The following C1orf87 variants were observed in gnomAD, a reference collection of about 807,000 sequenced individuals.
The protein encoded by C1orf87 is uncharacterized protein C1orf87.
A neutral mutation model predicts 60.5 loss-of-function variants in C1orf87; 58 were observed. The ratio of observed to expected loss-of-function variants is 0.96; its 90% CI spans 0.78 to 1.19. The LOEUF is 1.19. Among genes scored for constraint, C1orf87 ranks in the 50% most tolerant of loss-of-function variants. The pLI is 0.00. For missense variants in C1orf87, 673 were observed against 638.6 expected, an observed-to-expected ratio of 1.05 and a Z score of -0.58; for synonymous variants, 236 against 227.4, an observed-to-expected ratio of 1.04 and a Z score of -0.34.
chr1:60,064,520 T>C (rs1645522141), intron 2 of C1orf87, among the ~76,000 whole-genome samples: 1 of 131,832 alleles, frequency 7.6e-6, no homozygotes, highest in South Asian at 2.2e-4. Flanking sequence ...AATACTTTAT[T>C]GCTAAAATAT....
intron 3 of C1orf87, among the ~76,000 whole-genome samples, chr1:60,054,010 C>T (rs1645434481): frequency 6.6e-6 from 1 of 152,104 alleles, no homozygotes; most frequent in African/African-American, 2.4e-5. Context: ...AATATTATTA[C>T]CAAGGCCATT....
chr1:60,033,531 T>C lies in C1orf87; in HGVS notation c.974A>G (p.Asn325Ser), dbSNP rs1017705043. Reference protein sequence around the residue: ...TNGRLNIDNLNLSFRKEDRSF... With the variant: ...TNGRLNIDNLSLSFRKEDRSF... The stretch of plus-strand genomic sequence containing the variant: ...GCGATCTTCTTTTCGAAAACTCAGA[T>C]TGAGATTGTCTATGTTGAGTCTGCC... Residue 325 changes from asparagine (N) to serine (S), a missense_variant, in exon 7 of 12, where the codon AAT becomes AGT. Physicochemically the swap from Asn to Ser is conservative, Grantham distance 46. Transcript: ENST00000371201. The C allele has an allele frequency of 1.9e-6, 3 of 1,613,826 alleles. No homozygotes were observed. The highest frequency in any genetic ancestry group is 2.5e-6 in the Non-Finnish European group (3 of 1,179,928).
intron 5 of C1orf87, among the ~76,000 whole-genome samples, 184 bp downstream of exon 5, chr1:60,039,733 C>A (rs533351488): frequency 2.6e-5 from 4 of 152,238 alleles, no homozygotes; most frequent in African/African-American, 9.6e-5. Context: ...AGCGAAGAGA[C>A]CTAACTCTAT....
At chr1:60,070,695 G>A (rs1645578806) in intron 2 of C1orf87, among the ~76,000 whole-genome samples, 1 of 152,074 alleles carries the variant, frequency 6.6e-6, no homozygotes, top group South Asian at 2.1e-4. Context: ...ACCAATTGTT[G>A]TACTATAATA....
chr1:60,005,788 T>TGTGTGTGTGTGTGC (rs1206818539), intron 9 of C1orf87, among the ~76,000 whole-genome samples: 1 of 150,866 alleles, frequency 6.6e-6, no homozygotes, highest in African/African-American at 2.4e-5. Context: ...TGTGTGTGTG[T>TGTGTGTGTGTGTGC]GTGCTTCTCA....
chr1:60,042,015 G>C (rs1048863512), intron 3 of C1orf87, among the ~76,000 whole-genome samples: 6 of 152,138 alleles, frequency 3.9e-5, no homozygotes, highest in Admixed American at 3.9e-4. Context: ...AAACCCCAGA[G>C]AAAGGCTGTG....
intron 9 of C1orf87, among the ~76,000 whole-genome samples, chr1:60,001,508 C>T (rs988201883): frequency 3.9e-5 from 6 of 151,998 alleles, no homozygotes; most frequent in Non-Finnish European, 5.9e-5. Flanking sequence ...GACACAAATT[C>T]GCAACCTGAA....
chr1:60,005,051 T>G (rs1005902549), intron 9 of C1orf87, among the ~76,000 whole-genome samples: 2 of 152,020 alleles, frequency 1.3e-5, no homozygotes, highest in Admixed American at 6.6e-5. Context: ...AAAACCAGGA[T>G]AGAGAACAAC....
intron 3 of C1orf87, among the ~76,000 whole-genome samples, chr1:60,042,544 C>T (rs1645333667): frequency 6.6e-6 from 1 of 152,142 alleles, no homozygotes; most frequent in African/African-American, 2.4e-5. Flanking sequence ...GCAGAGTGGG[C>T]AAGAATGACA....
intron 5 of C1orf87, among the ~76,000 whole-genome samples, chr1:60,039,609 C>T (rs943398047): frequency 6.6e-6 from 1 of 152,192 alleles, no homozygotes; most frequent in Non-Finnish European, 1.5e-5. Flanking sequence ...ACTAAGCTAG[C>T]TCATGAATGG....
At chr1:60,024,390 G>GT (rs1645184615) in intron 8 of C1orf87, among the ~76,000 whole-genome samples, 1 of 152,116 alleles carries the variant, frequency 6.6e-6, no homozygotes, top group Non-Finnish European at 1.5e-5. Flanking sequence ...ACTCAATGCC[G>GT]TATGTGTTAC....
chr1:60,020,185 G>A (rs560460241), intron 8 of C1orf87, among the ~76,000 whole-genome samples: 1 of 152,318 alleles, frequency 6.6e-6, no homozygotes, highest in Admixed American at 6.5e-5. Flanking sequence ...CCCAGGCTGG[G>A]CTTGAGGCTC....
intron 8 of C1orf87, among the ~76,000 whole-genome samples, chr1:60,013,368 T>C (rs1022678961): frequency 2.0e-5 from 3 of 152,224 alleles, no homozygotes; most frequent in Middle Eastern, 3.4e-3. Context: ...ACATTACATA[T>C]TGATTCCTCG....
intron 4 of C1orf87, 43 bp from the exon 5 acceptor site, chr1:60,040,223 G>C: frequency 6.4e-7 from 1 of 1,572,964 alleles, no homozygotes; most frequent in Non-Finnish European, 8.6e-7. Context: ...TCTTCAATCA[G>C]CCGGCTAAAG....
chr1:60,001,065 C>T lies in C1orf87; in HGVS notation c.1272+12G>A, dbSNP rs779242350. 6.2e-7 allele frequency: 1 copy of T among 1,603,012 alleles called. No individual in the cohort carries two copies. The highest frequency in any genetic ancestry group is 2.2e-5 in the East Asian group (1 of 44,528). On this transcript the variant is annotated intron_variant, in intron 10 of 11. Coordinates refer to ENST00000371201, the MANE Select transcript of C1orf87 (RefSeq NM_152377.3). ...AACCTTCCCCCAAACTCTATATACC[C>T]CAGGTGCATACCATATGTTCAGTTT...
Position 60,038,520 on chromosome 1 carries a change from T to C in C1orf87, c.748-413A>G, listed in dbSNP as rs562054785. On this transcript the variant is annotated intron_variant, in intron 5 of 11. Transcript: ENST00000371201. ...TGTTAAGAAGAACTATGGCTGGCTC[T>C]ATGGAAATAAACATGAAAAAAAATA... Among the ~76,000 whole-genome samples, 3 of 152,234 alleles carry C rather than the reference T, an allele frequency of 2.0e-5. No individual in the cohort carries two copies. In the East Asian group the frequency reaches 5.8e-4, roughly 29 times the overall value.
chr1:60,039,291 C>T (rs1239438605), intron 5 of C1orf87, among the ~76,000 whole-genome samples: 1 of 152,146 alleles, frequency 6.6e-6, no homozygotes, highest in Non-Finnish European at 1.5e-5. Flanking sequence ...CTTCCTATTT[C>T]AGGGTATTTT....
chr1:59,990,969 C>T lies in C1orf87; in HGVS notation c.1481-136G>A, dbSNP rs931536379. 3.1e-5 allele frequency: 24 copies of T among 784,126 alleles called. No homozygotes were observed. The Admixed American group carries it at 5.3e-4, about 17-fold the overall frequency. The allele number at this position is 784,126 out of a possible 1,614,324, so 48.6% of individuals were successfully genotyped here. A position where few individuals can be genotyped will look rare whatever the true frequency, so the allele number is the denominator to read the frequency against. On this transcript the variant is annotated intron_variant, in intron 11 of 11. Coordinates refer to ENST00000371201, the MANE Select transcript of C1orf87 (RefSeq NM_152377.3). The stretch of plus-strand genomic sequence containing the variant: ...TTGCAATTTTAAGCTTCTTAAAAAT[C>T]AAGTGGCATATTAAAAAATATTTAT...
intron 3 of C1orf87, among the ~76,000 whole-genome samples, chr1:60,047,260 A>C (rs944254072): frequency 3.9e-5 from 6 of 152,304 alleles, no homozygotes; most frequent in Admixed American, 6.5e-5. Flanking sequence ...TTTGTTCCCT[A>C]GCATTCTTCA....
Sources: gnomAD v4.1 joint callset for allele counts (sites outside exome capture counted in the v4.1 genomes callset) on GRCh38, gnomAD v4.1.1 for gene constraint, MANE v1.5 for transcripts, NCBI Gene and HGNC (gene_info 2026-07-23, HGNC 2026-07-21) for gene names.